PTPRG: variants seen among roughly 807,000 people sequenced by gnomAD.
PTPRG encodes the protein protein tyrosine phosphatase receptor type G, also known as receptor-type tyrosine-protein phosphatase gamma.
Under a neutral mutation model 165.3 loss-of-function variants are expected in PTPRG, and 102 were observed. That is an observed-to-expected ratio of 0.62 (90% CI 0.53 to 0.73). The LOEUF is 0.73. Among genes scored for constraint, PTPRG ranks in the 30% least tolerant of loss-of-function variants. The pLI, the probability that PTPRG is intolerant of heterozygous loss-of-function variation, is 0.00. For missense variants in PTPRG, 1,866 were observed against 1,861.4 expected (o/e 1.00, Z -0.05); for synonymous variants, 675 against 669.5 (o/e 1.01, Z -0.13).
At chr3:61,580,776 C>T (rs866682402) in intron 1 of PTPRG, among the ~76,000 whole-genome samples, 1 of 152,124 alleles carries the variant, frequency 6.6e-6, no homozygotes, top group East Asian at 1.9e-4. Flanking sequence ...AAGGACTTAA[C>T]GATTATTATT....
At position 61,995,178 on chromosome 3, in the gene PTPRG, TC is replaced by T. The variant is rs199842641; in HGVS notation, c.370+5376del. Among the ~76,000 whole-genome samples, 860 of 147,438 alleles carry T rather than the reference TC, an allele frequency of 5.8e-3. 10 individuals carry two copies. The highest frequency in any genetic ancestry group is 0.018 in the African/African-American group (704 of 39,844). ...ATCTTGGTTCACTGCAACCTCCGTC[TC>T]CTAGGTTCAAGTGATTCTTATGTCC... On this transcript the variant is annotated intron_variant, in intron 3 of 29. Coordinates refer to ENST00000474889, the MANE Select transcript of PTPRG (RefSeq NM_002841.4).
chr3:61,745,976 C>T (rs2033181950), intron 1 of PTPRG, among the ~76,000 whole-genome samples: 1 of 152,104 alleles, frequency 6.6e-6, no homozygotes, highest in Non-Finnish European at 1.5e-5. Flanking sequence ...AGAGGGCTAG[C>T]TTCAAATCAG....
chr3:61,574,736 T>C (rs1428052612), intron 1 of PTPRG, among the ~76,000 whole-genome samples: 1 of 152,158 alleles, frequency 6.6e-6, no homozygotes, highest in Non-Finnish European at 1.5e-5. Flanking sequence ...GGCTGGGAAG[T>C]TCGAGGGCAC....
intron 13 of PTPRG, among the ~76,000 whole-genome samples, chr3:62,226,486 TTTA>T (rs1700766714): frequency 6.6e-6 from 1 of 152,232 alleles, no homozygotes; most frequent in South Asian, 2.1e-4. Context: ...TGAGAAGATT[TTTA>T]TGTTGAATAA....
chr3:61,814,858 A>G (rs893799618), intron 2 of PTPRG, among the ~76,000 whole-genome samples: 3 of 151,696 alleles, frequency 2.0e-5, no homozygotes, highest in Non-Finnish European at 4.4e-5. Flanking sequence ...CATACCTGGT[A>G]TCATTTACCC....
chr3:62,000,449 C>T (rs2107716458), intron 3 of PTPRG, among the ~76,000 whole-genome samples: 1 of 152,278 alleles, frequency 6.6e-6, no homozygotes, highest in South Asian at 2.1e-4. Flanking sequence ...GGGAGGAAGA[C>T]ATGTGGGAAA....
At chr3:62,066,201 C>T (rs566657679) in intron 4 of PTPRG, among the ~76,000 whole-genome samples, 4 of 152,164 alleles carry the variant, frequency 2.6e-5, no homozygotes, top group South Asian at 2.1e-4. Flanking sequence ...GAAAACATGA[C>T]GAGGTGGAAA....
rs192717316 is a variant in PTPRG at position 61,731,064 on chromosome 3, T to C, written c.86-17814T>C. Among the ~76,000 whole-genome samples the C allele has an allele frequency of 1.3e-3, 193 of 152,314 alleles. 1 individual carries two copies. The highest frequency in any genetic ancestry group is 4.5e-3 in the African/African-American group (185 of 41,562). ...TGCATTATTCAATGCCAAGCCAAGGTGTTAGGCTTCCTGATGGATTTATGA... is the reference window on the plus strand; with the variant it reads ...TGCATTATTCAATGCCAAGCCAAGGCGTTAGGCTTCCTGATGGATTTATGA... On this transcript the variant is annotated intron_variant, in intron 1 of 29. Transcript: ENST00000474889.
At position 62,240,621 on chromosome 3, in the gene PTPRG, G is replaced by T. The variant is rs1701138151; in HGVS notation, c.2376-3186G>T. 6.6e-6 allele frequency among the ~76,000 whole-genome samples: 1 copy of T among 152,116 alleles called. No individual in the cohort carries two copies. The highest frequency in any genetic ancestry group is 2.1e-4 in the South Asian group (1 of 4,826). Reference sequence around the variant, plus strand: ...CTAGATCCTGCATGATCTGGCTCTGGCCCACCTCTCCAACCTTGCTTTCCA... The same window carrying T: ...CTAGATCCTGCATGATCTGGCTCTGTCCCACCTCTCCAACCTTGCTTTCCA... On this transcript the variant is annotated intron_variant, in intron 14 of 29. Coordinates refer to ENST00000474889, the MANE Select transcript of PTPRG (RefSeq NM_002841.4). This position sits in a 1 kb window ranked among gnomAD's most constrained non-coding sequence, Gnocchi z 5.1.
intron 4 of PTPRG, among the ~76,000 whole-genome samples, chr3:62,066,994 C>G (rs527513346): frequency 1.1e-4 from 16 of 145,096 alleles, no homozygotes; most frequent in Non-Finnish European, 2.2e-4. Flanking sequence ...GCCGAGATCA[C>G]GCCACTGCAC....
intron 1 of PTPRG, among the ~76,000 whole-genome samples, chr3:61,650,126 CT>C (rs34721530): frequency 6.6e-6 from 1 of 152,242 alleles, no homozygotes; most frequent in Admixed American, 6.5e-5. Context: ...AAGCCTGGTA[CT>C]TTTTTTCCCC....
At chr3:61,879,437 G>A (rs2037827909) in intron 2 of PTPRG, among the ~76,000 whole-genome samples, 1 of 151,748 alleles carries the variant, frequency 6.6e-6, no homozygotes, top group African/African-American at 2.4e-5. Context: ...GTATTTTGGG[G>A]GATAAACTTA....
At chr3:62,251,693 A>T (rs1425950008) in intron 15 of PTPRG, among the ~76,000 whole-genome samples, 2 of 152,168 alleles carry the variant, frequency 1.3e-5, no homozygotes, top group Admixed American at 6.6e-5. Context: ...ATTAACCAGG[A>T]TATTAAGAAT....
intron 1 of PTPRG, among the ~76,000 whole-genome samples, chr3:61,703,525 G>A (rs771187252): frequency 6.6e-6 from 1 of 152,148 alleles, no homozygotes; most frequent in Non-Finnish European, 1.5e-5. Context: ...CCACAGGGCT[G>A]GGGGAGTTGA....
At position 62,218,723 on chromosome 3, in the gene PTPRG, T is replaced by C. The variant is rs997721800; in HGVS notation, c.2156-128T>C. 59 of 1,228,668 alleles carry C rather than the reference T, an allele frequency of 4.8e-5. 1 individual carries two copies. The highest frequency in any genetic ancestry group is 6.0e-5 in the Non-Finnish European group (53 of 887,762). 76.1% of individuals were successfully genotyped at this position (1,228,668 alleles called of 1,614,324 possible). On this transcript the variant is annotated intron_variant, in intron 12 of 29. Coordinates refer to ENST00000474889, the MANE Select transcript of PTPRG (RefSeq NM_002841.4). ...GGGCTGCGGATTGCCCCTCCTGTCA[T>C]GGGGCAGCTCAGAGCAAATGGCCCA...
At chr3:61,568,886 C>T (rs564693274) in intron 1 of PTPRG, among the ~76,000 whole-genome samples, 13 of 147,642 alleles carry the variant, frequency 8.8e-5, no homozygotes, top group African/African-American at 2.3e-4. Context: ...GCAGCCTGTG[C>T]GACAGAGCAA....
In PTPRG at chr3:61,712,003, C is replaced by T. The variant is rs533662736; in HGVS notation, c.86-36875C>T. ...CTGCCTCCTGGGTTCAAACGATTCT[C>T]CTGCCTCAGCCTCCCAAGTAGCTGG... On this transcript the variant is annotated intron_variant, in intron 1 of 29. Transcript: ENST00000474889. Among the ~76,000 whole-genome samples the T allele has an allele frequency of 1.1e-4, 17 of 151,100 alleles. 1 individual carries two copies. In the South Asian group the frequency reaches 3.6e-3, roughly 32 times the overall value.
intron 1 of PTPRG, among the ~76,000 whole-genome samples, chr3:61,639,034 T>C (rs1317400451): frequency 6.6e-6 from 1 of 152,198 alleles, no homozygotes; most frequent in Non-Finnish European, 1.5e-5. Flanking sequence ...TCTAGGATTC[T>C]TATAGTTCCT....
chr3:61,799,644 T>A (rs1168979756), intron 2 of PTPRG, among the ~76,000 whole-genome samples: 1 of 152,238 alleles, frequency 6.6e-6, no homozygotes, highest in Non-Finnish European at 1.5e-5. Context: ...AGTGCCATTT[T>A]GATCACAACC....
Sources: allele counts gnomAD v4.1 joint callset (sites outside exome capture counted in the v4.1 genomes callset), GRCh38; gene constraint gnomAD v4.1.1; non-coding constraint Gnocchi (gnomAD v3.1); transcripts MANE v1.5; gene names NCBI Gene and HGNC (gene_info 2026-07-23, HGNC 2026-07-21).